PARP15: variants seen among roughly 807,000 people sequenced by gnomAD.
The protein encoded by PARP15 is protein mono-ADP-ribosyltransferase PARP15.
A neutral mutation model predicts 62.1 loss-of-function variants in PARP15; 50 were observed. The observed-to-expected ratio is 0.81, with a 90% CI of 0.64 to 1.02. PARP15 has a LOEUF of 1.02. PARP15 is among the 50% of genes least tolerant of loss of function. The pLI is 0.00. For synonymous variants in PARP15, 309 were observed against 293.1 expected, an observed-to-expected ratio of 1.05 and a Z score of -0.55; for missense variants, 820 against 826.5, an observed-to-expected ratio of 0.99 and a Z score of 0.10.
At position 122,632,167 on chromosome 3, in the gene PARP15, A is replaced by C. The variant is rs753889038; in HGVS notation, c.1520A>C (p.Asn507Thr). ...CTAGAGCCAGGACAATCAGAATATAATACCATAAAGGACAAGTTCACCCGA... is the reference window on the plus strand; with the variant it reads ...CTAGAGCCAGGACAATCAGAATATACTACCATAAAGGACAAGTTCACCCGA... ...VQLEPGQSEYNTIKDKFTRTC... is the reference protein window; with the variant it reads ...VQLEPGQSEYTTIKDKFTRTC... Residue 507 changes from asparagine (N) to threonine (T), a missense_variant, in exon 10 of 12, where the codon AAT becomes ACT. This residue lies in a region of PARP15 where 731 missense variants were observed against 727.7 expected (regional missense o/e 1.00). Transcript: ENST00000464300. The C allele has an allele frequency of 1.2e-6, 2 of 1,613,978 alleles. No homozygotes were observed. Among genetic ancestry groups the C allele is most frequent in the Non-Finnish European group, 8.5e-7 (1 of 1,179,892 alleles).
chr3:122,634,182 TTCC>T (rs1302002898), intron 10 of PARP15, among the ~76,000 whole-genome samples: 2 of 152,200 alleles, frequency 1.3e-5, no homozygotes, highest in Non-Finnish European at 2.9e-5. Flanking sequence ...CCTCTCAGAT[TTCC>T]TCCTCCTTCC....
rs367814745 is a variant in PARP15 at position 122,625,246 on chromosome 3, T to A, written c.1232-1581T>A. 1.2e-3 allele frequency among the ~76,000 whole-genome samples: 175 copies of A among 151,996 alleles called. 1 individual carries two copies. The highest frequency in any genetic ancestry group is 4.0e-3 in the African/African-American group (165 of 41,448). On this transcript the variant is annotated intron_variant, in intron 8 of 11. Coordinates refer to ENST00000464300, the MANE Select transcript of PARP15 (RefSeq NM_001113523.3). ...TTTGTTTGTTGTTGTTGTTGTTCTT[T>A]GTTTGTTTTTTTGTTGTTGTTTTTT... is the stretch of plus-strand genomic sequence containing the variant.
Position 122,619,786 on chromosome 3 carries a change from T to C in PARP15, c.1006T>C (p.Ser336Pro), listed in dbSNP as rs779042702. ...CATTAACATGTCTTATTTAGGTGTG[T>C]CAAGAGCTATTTTAGAAGGTGCTGG... The part of the protein sequence containing the change: ...ARTFNRKSGV[S>P]RAILEGAGQA... Residue 336 changes from serine (S) to proline (P), a missense_variant, in exon 7 of 12, where the codon TCA becomes CCA. Physicochemically the swap from Ser to Pro is moderately conservative, Grantham distance 74. Around this residue, in one of 3 missense-constraint regions of PARP15, gnomAD observed 731 missense variants for 727.7 expected, o/e 1.00. Transcript: ENST00000464300. 6.2e-7 allele frequency: 1 copy of C among 1,611,674 alleles called. No homozygotes were observed. The highest frequency in any genetic ancestry group is 1.7e-5 in the Admixed American group (1 of 60,032).
chr3:122,584,672 G>C (rs1933273692), intron 1 of PARP15, among the ~76,000 whole-genome samples: 2 of 146,966 alleles, frequency 1.4e-5, no homozygotes, highest in Admixed American at 1.4e-4. Context: ...CCACACCCCG[G>C]GTTCAGGCGA....
At chr3:122,609,226 T>G (rs571681857) in intron 2 of PARP15, among the ~76,000 whole-genome samples, 1 of 152,320 alleles carries the variant, frequency 6.6e-6, no homozygotes, top group African/African-American at 2.4e-5. Flanking sequence ...AAGGGGCTTC[T>G]CAGATATTGA....
rs749495736 is a variant in PARP15 at position 122,621,476 on chromosome 3, C to T, written c.1096C>T (p.Pro366Ser). The T allele has an allele frequency of 6.2e-7, 1 of 1,612,682 alleles. No individual in the cohort carries two copies. Among genetic ancestry groups the T allele is most frequent in the Non-Finnish European group, 8.5e-7 (1 of 1,179,626 alleles). Residue 366 changes from proline (P) to serine (S), a missense_variant, in exon 8 of 12, where the codon CCA becomes TCA. Physicochemically the swap from Pro to Ser is moderately conservative, Grantham distance 74 (BLOSUM62 -1). This residue lies in a region of PARP15 where 731 missense variants were observed against 727.7 expected (regional missense o/e 1.00). Coordinates refer to ENST00000464300, the MANE Select transcript of PARP15 (RefSeq NM_001113523.3). ...GCCTCACAGAGATTTTATAATTACA[C>T]CAGGTGGATGCTTAAAGTGCAAAAT... ...AQPHRDFIIT[P>S]GGCLKCKIII...
chr3:122,630,089 G>A (rs1480320690), intron 9 of PARP15, among the ~76,000 whole-genome samples: 1 of 152,204 alleles, frequency 6.6e-6, no homozygotes, highest in African/African-American at 2.4e-5. Context: ...TGTATGGGAA[G>A]AGGGCTCAGG....
chr3:122,634,449 A>G (rs1490225106), intron 10 of PARP15, among the ~76,000 whole-genome samples: 3 of 152,196 alleles, frequency 2.0e-5, no homozygotes, highest in Non-Finnish European at 4.4e-5. Context: ...AGAGGGTGAT[A>G]TTTTGAAAAG....
chr3:122,594,259 C>T (rs1934167616), intron 1 of PARP15, among the ~76,000 whole-genome samples: 1 of 152,116 alleles, frequency 6.6e-6, no homozygotes, highest in Non-Finnish European at 1.5e-5. Flanking sequence ...TATGATGGGA[C>T]ACTGCATTCC....
At chr3:122,607,971 A>G (rs35637679) in intron 2 of PARP15, among the ~76,000 whole-genome samples, 2,463 of 152,018 alleles carry the variant, frequency 0.016, 66 homozygotes, top group African/African-American at 0.054. Context: ...CCTCTACATC[A>G]CTGTTTGATA....
rs67942585 is a variant in PARP15, at chr3:122,583,114, C to CTTTTTTTT, written c.186+5277_186+5284dup. 1.9e-3 allele frequency among the ~76,000 whole-genome samples: 158 copies of CTTTTTTTT among 83,460 alleles called. 4 individuals are homozygous for CTTTTTTTT. Among genetic ancestry groups the CTTTTTTTT allele is most frequent in the African/African-American group, 2.6e-3 (49 of 18,928 alleles). 54.8% of individuals were successfully genotyped at this position (83,460 alleles called of 152,430 possible). The stretch of plus-strand genomic sequence containing the variant: ...TGTTTACTAATTCTATCATCTGTAT[C>CTTTTTTTT]TTTTTTTTTTTTTTTTTTTTTTTGA... On this transcript the variant is annotated intron_variant, in intron 1 of 11. Coordinates refer to ENST00000464300, the MANE Select transcript of PARP15 (RefSeq NM_001113523.3).
intron 6 of PARP15, among the ~76,000 whole-genome samples, chr3:122,619,241 C>T (rs1936181428): frequency 1.3e-5 from 2 of 152,132 alleles, no homozygotes; most frequent in South Asian, 4.1e-4. Flanking sequence ...TCAACTTCAA[C>T]CCAATTTGTC....
At chr3:122,623,496 G>A (rs2107578187) in intron 8 of PARP15, among the ~76,000 whole-genome samples, 1 of 152,344 alleles carries the variant, frequency 6.6e-6, no homozygotes, top group Admixed American at 6.5e-5. Flanking sequence ...AGAGGGCTGA[G>A]ACCAGAACAG....
Position 122,579,999 on chromosome 3 carries a change from G to GTGTATA in PARP15, c.186+2147_186+2148insGTATAT, listed in dbSNP as rs1553725409. Among the ~76,000 whole-genome samples the GTGTATA allele has an allele frequency of 4.6e-3, 298 of 64,448 alleles. 2 individuals carry two copies. The highest frequency in any genetic ancestry group is 0.012 in the African/African-American group (251 of 20,156). The allele number at this position is 64,448 out of a possible 152,430, so 42.3% of individuals were successfully genotyped here. A position where few individuals can be genotyped will look rare whatever the true frequency, so the allele number is the denominator to read the frequency against. On this transcript the variant is annotated intron_variant, in intron 1 of 11. Coordinates refer to ENST00000464300, the MANE Select transcript of PARP15 (RefSeq NM_001113523.3). ...GTCTGAACAACAACAGCAACTATAT[G>GTGTATA]TATATATATATATATATATATATAT...
At chr3:122,618,838 T>A (rs777755436) in intron 6 of PARP15, among the ~76,000 whole-genome samples, 2 of 152,178 alleles carry the variant, frequency 1.3e-5, no homozygotes, top group Non-Finnish European at 2.9e-5. Flanking sequence ...CCTGCTCGCC[T>A]TACACTGAAG....
At position 122,619,770 on chromosome 3, in the gene PARP15, G is replaced by C. The variant is rs930880801; in HGVS notation, c.1001-11G>C. The C allele has an allele frequency of 1.9e-6, 3 of 1,604,024 alleles. No homozygotes were observed. Among genetic ancestry groups the C allele is most frequent in the Non-Finnish European group, 1.7e-6 (2 of 1,170,970 alleles). On this transcript the variant is annotated splice_polypyrimidine_tract_variant and intron_variant, in intron 6 of 11. Transcript: ENST00000464300. ...AACTGATGCCTTTTACCATTAACAT[G>C]TCTTATTTAGGTGTGTCAAGAGCTA...
intron 10 of PARP15, among the ~76,000 whole-genome samples, chr3:122,634,039 C>A (rs549510363): frequency 3.3e-5 from 5 of 152,292 alleles, no homozygotes; most frequent in African/African-American, 1.2e-4. Flanking sequence ...GTTACTCTCC[C>A]GGAGGCCTCC....
intron 1 of PARP15, chr3:122,594,829 C>A (rs1385033606): frequency 5.1e-6 from 5 of 982,472 alleles, no homozygotes; most frequent in Non-Finnish European, 6.0e-6. Flanking sequence ...TTGGAACAGA[C>A]AACAACCATT....
At chr3:122,581,103 A>G (rs769787620) in intron 1 of PARP15, among the ~76,000 whole-genome samples, 7 of 152,182 alleles carry the variant, frequency 4.6e-5, no homozygotes, top group Non-Finnish European at 8.8e-5. Context: ...AGTACACTCT[A>G]TGGTGTTCAC....
Sources: gnomAD v4.1 joint callset for allele counts (sites outside exome capture counted in the v4.1 genomes callset) on GRCh38, gnomAD v4.1.1 for gene constraint, gnomAD v4.1.1 regional missense constraint, MANE v1.5 for transcripts, NCBI Gene and HGNC (gene_info 2026-07-23, HGNC 2026-07-21) for gene names.